DYNC1I2: variants seen among roughly 807,000 people sequenced by gnomAD.
The protein encoded by DYNC1I2 is cytoplasmic dynein 1 intermediate chain 2.
In DYNC1I2, 53 loss-of-function variants were observed where a neutral mutation model predicts 88.6. The observed-to-expected ratio is 0.60, with a 90% CI of 0.48 to 0.75. The LOEUF (loss-of-function observed/expected upper bound fraction) is 0.75, where lower values mean the gene tolerates loss of function less well. Ranked by LOEUF, DYNC1I2 falls within the 30% of genes least tolerant of loss-of-function variation. The probability of loss-of-function intolerance (pLI) is 0.00; values close to 1 mark genes in which losing one functional copy is unlikely to be tolerated. For synonymous variants in DYNC1I2, 198 were observed against 254.6 expected (o/e 0.78, Z 2.12); for missense variants, 458 against 766.6 (o/e 0.60, Z 4.75).
intron 6 of DYNC1I2, 38 bp downstream of exon 6, chr2:171,712,864 G>T (rs761096021): frequency 5.9e-5 from 91 of 1,542,276 alleles, no homozygotes; most frequent in Non-Finnish European, 8.1e-5. Flanking sequence ...GTTTTATAAT[G>T]AATTTGATTC....
At chr2:171,693,533 G>A (rs994074634) in intron 3 of DYNC1I2, among the ~76,000 whole-genome samples, 2 of 152,206 alleles carry the variant, frequency 1.3e-5, no homozygotes, top group African/African-American at 4.8e-5. Flanking sequence ...TCTGTGCTGG[G>A]TGCTATTATG....
intron 8 of DYNC1I2, 83 bp from the exon 9 acceptor site, chr2:171,725,831 AATAAC>A: frequency 7.6e-7 from 1 of 1,323,894 alleles, no homozygotes; most frequent in Non-Finnish European, 1.0e-6. Context: ...ATTGAAAAAT[AATAAC>A]ATACATTGAT....
chr2:171,734,195 C>T (rs1688846477), intron 15 of DYNC1I2, among the ~76,000 whole-genome samples: 2 of 152,064 alleles, frequency 1.3e-5, no homozygotes, highest in Admixed American at 6.6e-5. Flanking sequence ...GTTTTTTACT[C>T]TCTCAGGGTG....
chr2:171,749,673 A>G lies in DYNC1I2; in HGVS notation c.*1784A>G, dbSNP rs1300471504. Among the ~76,000 whole-genome samples, 10 of 152,164 alleles carry G rather than the reference A, an allele frequency of 6.6e-5. No individual in the cohort carries two copies. Among genetic ancestry groups the G allele is most frequent in the Admixed American group, 6.5e-4 (10 of 15,284 alleles). On this transcript the variant is annotated 3_prime_UTR_variant, in exon 18 of 18. Coordinates refer to ENST00000397119, the MANE Select transcript of DYNC1I2 (RefSeq NM_001378.3). Reference sequence around the variant, plus strand: ...CAGCCTCAAGGTGTGTTTAGTTGTGAAAGAAAGAATAAAATTGTTTAAATA... The same window carrying G: ...CAGCCTCAAGGTGTGTTTAGTTGTGGAAGAAAGAATAAAATTGTTTAAATA...
intron 7 of DYNC1I2, among the ~76,000 whole-genome samples, chr2:171,716,779 G>A (rs1426973435): frequency 2.0e-5 from 3 of 151,956 alleles, no homozygotes; most frequent in Admixed American, 6.6e-5. Flanking sequence ...GGTGGTGGGT[G>A]CCTGTAATCC....
chr2:171,735,806 A>G (rs1248561961), intron 15 of DYNC1I2, among the ~76,000 whole-genome samples: 1 of 152,244 alleles, frequency 6.6e-6, no homozygotes, highest in African/African-American at 2.4e-5. Context: ...TAAATGTTCT[A>G]CCACATTTAA....
At chr2:171,707,419 T>G (rs771070952) in intron 5 of DYNC1I2, 42 bp downstream of exon 5, 3 of 1,564,866 alleles carry the variant, frequency 1.9e-6, no homozygotes, top group South Asian at 2.3e-5. Flanking sequence ...ATAGAATGCA[T>G]TCAGTGCCCA....
rs67204676 is a variant in DYNC1I2 at position 171,708,063 on chromosome 2, T to TCA, written c.335+687_335+688insAC. Among the ~76,000 whole-genome samples, 7,120 of 147,464 alleles carry TCA rather than the reference T, an allele frequency of 0.048. 835 individuals are homozygous for TCA. In the East Asian group the frequency reaches 0.54, roughly 11 times the overall value. ...GTATTACTACTTATTCCTCTTTGTC[T>TCA]CTCTCACACACACACACACACACAC... is the stretch of plus-strand genomic sequence containing the variant. On this transcript the variant is annotated intron_variant, in intron 5 of 17. Transcript: ENST00000397119.
chr2:171,738,845 C>A (rs1689192007), intron 15 of DYNC1I2, among the ~76,000 whole-genome samples: 1 of 152,046 alleles, frequency 6.6e-6, no homozygotes, highest in South Asian at 2.1e-4. Flanking sequence ...TGTGCACATC[C>A]TAGGTTGAAA....
intron 15 of DYNC1I2, among the ~76,000 whole-genome samples, chr2:171,742,543 A>G (rs901879085): frequency 6.6e-6 from 1 of 152,032 alleles, no homozygotes; most frequent in Non-Finnish European, 1.5e-5. Flanking sequence ...TTCCTTTCCT[A>G]TCTAATTTTC....
rs1221396904 is a variant in DYNC1I2, at chr2:171,725,635, G to C, written c.529G>C (p.Asp177His). The part of the protein sequence containing the change: ...QPKEDEEEDD[D>H]VVAPKPPIEP... ...TTTTTCAGATGAAGAGGAAGATGAT[G>C]ATGTAGTGGCTCCTAAACCACCTAT... Residue 177 changes from aspartate (D) to histidine (H), a missense_variant, in exon 8 of 18, where the codon GAT becomes CAT. Transcript: ENST00000397119. The C allele has an allele frequency of 2.6e-6, 3 of 1,133,184 alleles. No homozygotes were observed. Among genetic ancestry groups the C allele is most frequent in the South Asian group, 1.6e-5 (1 of 63,860 alleles). 70.2% of individuals were successfully genotyped at this position (1,133,184 alleles called of 1,614,324 possible).
At chr2:171,731,914 G>A (rs904108129) in intron 15 of DYNC1I2, among the ~76,000 whole-genome samples, 1 of 152,176 alleles carries the variant, frequency 6.6e-6, no homozygotes, top group Non-Finnish European at 1.5e-5. Context: ...GTATGAAACC[G>A]CTCAGTGAGC....
chr2:171,712,961 C>A, intron 6 of DYNC1I2, 135 bp downstream of exon 6: 1 of 696,324 alleles, frequency 1.4e-6, no homozygotes, highest in Non-Finnish European at 2.5e-6. Context: ...TACTGTGACA[C>A]CTCATTTATC....
At chr2:171,738,155 A>G (rs929654775) in intron 15 of DYNC1I2, among the ~76,000 whole-genome samples, 5 of 151,968 alleles carry the variant, frequency 3.3e-5, no homozygotes, top group African/African-American at 1.2e-4. Flanking sequence ...AACGTGGTGA[A>G]ACCCCATCTC....
At chr2:171,702,258 C>T (rs1054384509) in intron 3 of DYNC1I2, among the ~76,000 whole-genome samples, 1 of 152,134 alleles carries the variant, frequency 6.6e-6, no homozygotes, top group African/African-American at 2.4e-5. Context: ...CTTTGAGGTT[C>T]TTATTTCTAA....
intron 1 of DYNC1I2, among the ~76,000 whole-genome samples, chr2:171,689,078 T>C (rs2105440007): frequency 6.6e-6 from 1 of 152,342 alleles, no homozygotes; most frequent in South Asian, 2.1e-4. Context: ...CAATTGGTTT[T>C]TGAAGCTCAG....
Position 171,712,761 on chromosome 2 carries a change from A to G in DYNC1I2, c.336-6A>G, listed in dbSNP as rs750080537. The stretch of plus-strand genomic sequence containing the variant: ...AATGCTTCATGGTTGTCCTACAACC[A>G]TTTAGGACGCTGCATTGGGATACAG... On this transcript the variant is annotated splice_region_variant and splice_polypyrimidine_tract_variant and intron_variant, in intron 5 of 17. Coordinates refer to ENST00000397119, the MANE Select transcript of DYNC1I2 (RefSeq NM_001378.3). 3.1e-6 allele frequency: 5 copies of G among 1,612,456 alleles called. No individual in the cohort carries two copies. The highest frequency in any genetic ancestry group is 1.7e-5 in the Admixed American group (1 of 59,888).
chr2:171,740,177 T>G (rs1336725754), intron 15 of DYNC1I2, among the ~76,000 whole-genome samples: 1 of 152,158 alleles, frequency 6.6e-6, no homozygotes, highest in African/African-American at 2.4e-5. Context: ...CATATTAATG[T>G]GTGTGGTTGC....
rs1303580956 is a variant in DYNC1I2 at position 171,725,906 on chromosome 2, A to G, written c.608-13A>G. The G allele has an allele frequency of 3.2e-6, 5 of 1,558,174 alleles. No individual in the cohort carries two copies. The highest frequency in any genetic ancestry group is 4.3e-6 in the Non-Finnish European group (5 of 1,161,298). ...GACATAAATCATACTTCAAAAAATT[A>G]TTTATTTTCCAGCTCCCCCTCATGA... On this transcript the variant is annotated splice_polypyrimidine_tract_variant and intron_variant, in intron 8 of 17. Transcript: ENST00000397119.
Sources: allele counts gnomAD v4.1 joint callset (sites outside exome capture counted in the v4.1 genomes callset), GRCh38; gene constraint gnomAD v4.1.1; transcripts MANE v1.5; gene names NCBI Gene and HGNC (gene_info 2026-07-23, HGNC 2026-07-21).